The following GCNT4 variants were observed in gnomAD, a reference collection of about 807,000 sequenced individuals.
GCNT4 encodes the protein glucosaminyl (N-acetyl) transferase 4.
In GCNT4, 17 loss-of-function variants were observed where a neutral mutation model predicts 31.3. The observed-to-expected ratio is 0.54, with a 90% CI of 0.37 to 0.81. The LOEUF is 0.81. Ranked by LOEUF, GCNT4 falls within the 40% of genes least tolerant of loss-of-function variation. The probability of loss-of-function intolerance (pLI) is 0.00; values close to 1 mark genes in which losing one functional copy is unlikely to be tolerated. For missense variants in GCNT4, 503 were observed against 525.5 expected (o/e 0.96, Z 0.42); for synonymous variants, 158 against 190.6 (o/e 0.83, Z 1.41).
intron 3 of GCNT4, among the ~76,000 whole-genome samples, chr5:75,038,452 A>G (rs1159972807): frequency 2.0e-5 from 3 of 152,114 alleles, no homozygotes; most frequent in Non-Finnish European, 2.9e-5. Flanking sequence ...CCCTTTACAT[A>G]TGTGTCTTGG....
chr5:75,031,289 C>T (rs533239543), intron 3 of GCNT4, among the ~76,000 whole-genome samples: 4 of 152,170 alleles, frequency 2.6e-5, no homozygotes, highest in East Asian at 1.9e-4. Context: ...CCAGGCTGGT[C>T]GTGAACACCT....
intron 3 of GCNT4, among the ~76,000 whole-genome samples, chr5:75,039,876 C>T (rs1041113217): frequency 6.6e-6 from 1 of 152,206 alleles, no homozygotes; most frequent in African/African-American, 2.4e-5. Flanking sequence ...CCACTCCCTA[C>T]ATCTAAAACC....
chr5:75,033,185 G>A (rs1391599548), intron 3 of GCNT4, among the ~76,000 whole-genome samples: 2 of 152,120 alleles, frequency 1.3e-5, no homozygotes, highest in East Asian at 3.9e-4. Context: ...AAAGACAAAG[G>A]CCAGCTCCCT....
intron 3 of GCNT4, chr5:75,030,441 G>A (rs774598451): frequency 5.6e-6 from 1 of 177,050 alleles, no homozygotes; most frequent in Admixed American, 6.0e-5. Context: ...CTCACCTAAG[G>A]CCAAAGGGAA....
At chr5:75,051,690 C>A (rs1204320803) in intron 2 of GCNT4, among the ~76,000 whole-genome samples, 1 of 152,206 alleles carries the variant, frequency 6.6e-6, no homozygotes, top group African/African-American at 2.4e-5. Context: ...GGCCAGGTGC[C>A]ATAAAGTGCT....
chr5:75,018,192 A>G, the GCNT4 span, among the ~76,000 whole-genome samples: 1 of 152,218 alleles, frequency 6.6e-6, no homozygotes, highest in South Asian at 2.1e-4. Flanking sequence ...CCAGGTGATG[A>G]CCACATGATA....
chr5:75,035,537 T>G (rs1252814620), intron 3 of GCNT4, among the ~76,000 whole-genome samples: 1 of 152,158 alleles, frequency 6.6e-6, no homozygotes, highest in East Asian at 1.9e-4. Flanking sequence ...ATCAAACTAT[T>G]TAAGCTCTCT....
At chr5:75,033,910 C>T (rs1743139446) in intron 3 of GCNT4, among the ~76,000 whole-genome samples, 1 of 152,218 alleles carries the variant, frequency 6.6e-6, no homozygotes, top group South Asian at 2.1e-4. Context: ...CTGTTCAACT[C>T]CCACTTATGA....
At chr5:75,044,616 G>T (rs1743394104) in intron 3 of GCNT4, among the ~76,000 whole-genome samples, 1 of 152,010 alleles carries the variant, frequency 6.6e-6, no homozygotes, top group Non-Finnish European at 1.5e-5. Context: ...AAGCAGCCCA[G>T]TGTCATTGAC....
chr5:75,037,871 T>A (rs773275394), intron 3 of GCNT4, among the ~76,000 whole-genome samples: 3 of 143,298 alleles, frequency 2.1e-5, no homozygotes, highest in Non-Finnish European at 3.0e-5. Flanking sequence ...CAAGATTCAG[T>A]CTCAAAAAAA....
chr5:75,036,730 T>C (rs1743208576), intron 3 of GCNT4, among the ~76,000 whole-genome samples: 1 of 152,158 alleles, frequency 6.6e-6, no homozygotes, highest in Non-Finnish European at 1.5e-5. Flanking sequence ...GACTGATCAA[T>C]GAGCTAATGA....
chr5:75,034,475 A>T (rs1034362766), intron 3 of GCNT4, among the ~76,000 whole-genome samples: 21 of 152,320 alleles, frequency 1.4e-4, no homozygotes, highest in African/African-American at 5.1e-4. Context: ...CAGGCTAGCA[A>T]TGTCACCTTC....
chr5:75,034,281 C>T (rs1477773869), intron 3 of GCNT4, among the ~76,000 whole-genome samples: 2 of 152,214 alleles, frequency 1.3e-5, no homozygotes, highest in African/African-American at 4.8e-5. Context: ...GGGACCCTCC[C>T]ATTGGGCTCT....
At chr5:75,034,663 A>G (rs988739007) in intron 3 of GCNT4, among the ~76,000 whole-genome samples, 1 of 152,180 alleles carries the variant, frequency 6.6e-6, no homozygotes, top group Non-Finnish European at 1.5e-5. Flanking sequence ...CCTGTTGTGG[A>G]GTTTATTGCC....
intron 3 of GCNT4, among the ~76,000 whole-genome samples, chr5:75,047,233 T>A (rs945522480): frequency 1.3e-5 from 2 of 152,224 alleles, no homozygotes; most frequent in African/African-American, 4.8e-5. Context: ...TCAATTTAAT[T>A]CTCAGGCCCA....
chr5:75,020,222 A>G, the GCNT4 span, among the ~76,000 whole-genome samples: 2 of 152,162 alleles, frequency 1.3e-5, no homozygotes, highest in Non-Finnish European at 2.9e-5. Context: ...TATTGTCTGT[A>G]GAAGGTATAA....
rs537107714 is a variant in GCNT4 at position 75,046,371 on chromosome 5, C to T, written c.-2+1526G>A. ...AAATATTGCAAATATGCTGCAGTGA[C>T]ACAGAGAGCAGGAGAAGGAAGAAAA... On this transcript the variant is annotated intron_variant, in intron 3 of 3. Transcript: ENST00000652361. 3.5e-4 allele frequency among the ~76,000 whole-genome samples: 54 copies of T among 152,218 alleles called. No individual in the cohort carries two copies. The South Asian group carries it at 0.011, about 30-fold the overall frequency.
At chr5:75,032,987 G>C (rs1178911912) in intron 3 of GCNT4, among the ~76,000 whole-genome samples, 1 of 151,218 alleles carries the variant, frequency 6.6e-6, no homozygotes, top group African/African-American at 2.4e-5. Context: ...AATTGGAAGG[G>C]GTCTAACTCA....
At chr5:75,033,678 T>A (rs949963056) in intron 3 of GCNT4, among the ~76,000 whole-genome samples, 5 of 125,724 alleles carry the variant, frequency 4.0e-5, no homozygotes, top group East Asian at 2.0e-4. Flanking sequence ...TATTTATTTT[T>A]TTTTTTTTAC....
Sources: allele counts gnomAD v4.1 joint callset (sites outside exome capture counted in the v4.1 genomes callset), GRCh38; gene constraint gnomAD v4.1.1; transcripts MANE v1.5; gene names NCBI Gene and HGNC (gene_info 2026-07-23, HGNC 2026-07-21).